MAMDC2: variants seen among roughly 807,000 people sequenced by gnomAD.
MAMDC2 encodes the protein MAM domain-containing protein 2.
Under a neutral mutation model 89.8 loss-of-function variants are expected in MAMDC2, and 57 were observed. The ratio of observed to expected loss-of-function variants is 0.63; its 90% CI spans 0.51 to 0.79. The LOEUF (loss-of-function observed/expected upper bound fraction) is 0.79, where lower values mean the gene tolerates loss of function less well. MAMDC2 is among the 30% of genes least tolerant of loss of function. The pLI, the probability that MAMDC2 is intolerant of heterozygous loss-of-function variation, is 0.00. For missense variants in MAMDC2, 800 were observed against 820.6 expected, an observed-to-expected ratio of 0.97 and a Z score of 0.31; for synonymous variants, 313 against 293.4, an observed-to-expected ratio of 1.07 and a Z score of -0.68.
At position 70,168,776 on chromosome 9, in the gene MAMDC2, G is replaced by C. The variant is rs1431721957; in HGVS notation, c.1479G>C (p.Leu493Phe). The change falls in exon 10 of 14, where the codon TTG becomes TTC. Residue 493 changes from leucine (L) to phenylalanine (F), a missense_variant. Leu to Phe is a conservative substitution (Grantham distance 22). Transcript: ENST00000377182. ...LVALDDITIQ[L>F]GSCSSSEKLP... The stretch of plus-strand genomic sequence containing the variant: ...CCCTGGATGACATTACAATACAATT[G>C]GGAAGCTGCTCATCTTCAGGTAAGA... 3.1e-6 allele frequency: 5 copies of C among 1,613,904 alleles called. No homozygotes were observed. Among genetic ancestry groups the C allele is most frequent in the Non-Finnish European group, 4.2e-6 (5 of 1,179,876 alleles).
intron 11 of MAMDC2, among the ~76,000 whole-genome samples, chr9:70,198,191 CACACACA>C (rs2033014940): frequency 6.8e-6 from 1 of 147,474 alleles, no homozygotes; most frequent in African/African-American, 2.5e-5. Context: ...TACACACACA[CACACACA>C]ATATATAATA....
At chr9:70,104,783 G>A (rs1456588661) in intron 2 of MAMDC2, among the ~76,000 whole-genome samples, 1 of 152,156 alleles carries the variant, frequency 6.6e-6, no homozygotes, top group African/African-American at 2.4e-5. Flanking sequence ...GATGCTAGGG[G>A]TGGGGAGAAT....
intron 4 of MAMDC2, among the ~76,000 whole-genome samples, chr9:70,112,760 T>A (rs1414514623): frequency 6.6e-6 from 1 of 152,168 alleles, no homozygotes; most frequent in East Asian, 1.9e-4. Flanking sequence ...CCAAGTGACA[T>A]GGCTAATAAG....
intron 12 of MAMDC2, among the ~76,000 whole-genome samples, chr9:70,223,092 T>C (rs1175464356): frequency 7.1e-6 from 1 of 139,930 alleles, no homozygotes; most frequent in Non-Finnish European, 1.5e-5. Flanking sequence ...TGAGCTGATA[T>C]CGCATCACTG....
intron 7 of MAMDC2, among the ~76,000 whole-genome samples, chr9:70,134,224 C>T (rs941040881): frequency 6.6e-6 from 1 of 152,084 alleles, no homozygotes; most frequent in Non-Finnish European, 1.5e-5. Context: ...GTCTCCCGGA[C>T]CTGAGACCCA....
At chr9:70,173,205 T>G (rs2032404506) in intron 11 of MAMDC2, among the ~76,000 whole-genome samples, 1 of 152,092 alleles carries the variant, frequency 6.6e-6, no homozygotes, top group Non-Finnish European at 1.5e-5. Context: ...CTTTCAACAT[T>G]GAATCTAGCG....
chr9:70,134,339 TCTCCATCC>T (rs2030925646), intron 7 of MAMDC2, among the ~76,000 whole-genome samples: 1 of 119,408 alleles, frequency 8.4e-6, no homozygotes. Flanking sequence ...CCCACTTCCT[TCTCCATCC>T]CTTTGCCCCC....
chr9:70,225,809 T>C lies in MAMDC2; in HGVS notation c.1971T>C (p.Val657=). 2 of 1,611,362 alleles carry C rather than the reference T, an allele frequency of 1.2e-6. No individual in the cohort carries two copies. The highest frequency in any genetic ancestry group is 8.5e-7 in the Non-Finnish European group (1 of 1,177,756). Residue 657 remains valine, a synonymous_variant, in exon 13 of 14, where the codon GTT becomes GTC. Coordinates refer to ENST00000377182, the MANE Select transcript of MAMDC2 (RefSeq NM_153267.5). The part of the protein sequence containing the change: ...SIRSDIAIDD[V]KFQAGPCGEM... ...GAAGTGATATTGCCATTGATGATGT[T>C]AAATTTCAGGCAGGACCCTGTGGAG...
intron 2 of MAMDC2, among the ~76,000 whole-genome samples, chr9:70,069,241 T>C (rs1033299867): frequency 2.6e-5 from 4 of 152,236 alleles, no homozygotes; most frequent in African/African-American, 9.6e-5. Flanking sequence ...TTGTTGTTCC[T>C]GTTTTGTTTT....
At chr9:70,128,195 ACTGT>A (rs2030646752) in intron 6 of MAMDC2, among the ~76,000 whole-genome samples, 1 of 152,222 alleles carries the variant, frequency 6.6e-6, no homozygotes, top group Non-Finnish European at 1.5e-5. Context: ...AACATTGGAG[ACTGT>A]CTGAACAAGA....
chr9:70,164,010 A>ACG (rs2032081183), intron 9 of MAMDC2, among the ~76,000 whole-genome samples: 1 of 150,946 alleles, frequency 6.6e-6, no homozygotes, highest in South Asian at 2.1e-4. Context: ...AGGACTGCAC[A>ACG]TAACAGGAAT....
chr9:70,105,318 CTA>C lies in MAMDC2; in HGVS notation c.149-2891_149-2890del, dbSNP rs528236432. Among the ~76,000 whole-genome samples the C allele has an allele frequency of 4.0e-4, 61 of 152,284 alleles. No individual in the cohort carries two copies. In the South Asian group the frequency reaches 0.013, roughly 32 times the overall value. On this transcript the variant is annotated intron_variant, in intron 2 of 13. Transcript: ENST00000377182. ...TGATTGGTAGTGGTTACATGCAGCACTATGTTTAGAAGGATTCTAAGGCTGTA... is the reference window on the plus strand; with the variant it reads ...TGATTGGTAGTGGTTACATGCAGCACTGTTTAGAAGGATTCTAAGGCTGTA...
At chr9:70,199,983 T>G in intron 11 of MAMDC2, among the ~76,000 whole-genome samples, 1 of 152,210 alleles carries the variant, frequency 6.6e-6, no homozygotes, top group East Asian at 1.9e-4. Flanking sequence ...TGCGAAAATT[T>G]TCTCCCATTT....
chr9:70,147,062 C>T (rs1251932256), intron 9 of MAMDC2, among the ~76,000 whole-genome samples: 2 of 150,022 alleles, frequency 1.3e-5, no homozygotes, highest in Non-Finnish European at 3.0e-5. Flanking sequence ...TCGAGACCAG[C>T]CTGGCCAACA....
rs1240434234 is a variant in MAMDC2, at chr9:70,226,631, TATTA to T, written c.*606_*609del. ...TCATGAATGTCCAAGGGTAAGTCAG[TATTA>T]ATTAATGCTGTATTACAAGGCAATG... On this transcript the variant is annotated 3_prime_UTR_variant, in exon 14 of 14. Transcript: ENST00000377182. The T allele has an allele frequency of 6.6e-6, 1 of 152,542 alleles. No homozygotes were observed. The highest frequency in any genetic ancestry group is 1.5e-5 in the Non-Finnish European group (1 of 67,962). The allele number at this position is 152,542 out of a possible 1,614,324, so 9.4% of individuals were successfully genotyped here.
At chr9:70,188,260 T>C (rs2032802433) in intron 11 of MAMDC2, among the ~76,000 whole-genome samples, 1 of 152,202 alleles carries the variant, frequency 6.6e-6, no homozygotes, top group Admixed American at 6.5e-5. Flanking sequence ...TTCAATTCAT[T>C]CTACCAGTCT....
chr9:70,199,410 A>C (rs1296614728), intron 11 of MAMDC2, among the ~76,000 whole-genome samples: 2 of 146,976 alleles, frequency 1.4e-5, no homozygotes, highest in Non-Finnish European at 3.0e-5. Flanking sequence ...ATAGTATTCC[A>C]TGGTGTATAT....
At chr9:70,180,113 GT>G (rs1393895756) in intron 11 of MAMDC2, among the ~76,000 whole-genome samples, 1 of 151,812 alleles carries the variant, frequency 6.6e-6, no homozygotes, top group African/African-American at 2.4e-5. Flanking sequence ...AACATGCAGT[GT>G]TTGGTTTTCT....
chr9:70,078,688 T>C (rs1827590328), intron 2 of MAMDC2, among the ~76,000 whole-genome samples: 1 of 152,148 alleles, frequency 6.6e-6, no homozygotes, highest in African/African-American at 2.4e-5. Flanking sequence ...CATGAAAACA[T>C]AGCTCAAAGC....
Sources: gnomAD v4.1 joint callset for allele counts (sites outside exome capture counted in the v4.1 genomes callset) on GRCh38, gnomAD v4.1.1 for gene constraint, MANE v1.5 for transcripts, NCBI Gene and HGNC (gene_info 2026-07-23, HGNC 2026-07-21) for gene names.